PCDHGA4: variants seen among roughly 807,000 people sequenced by gnomAD.
PCDHGA4 encodes the protein protocadherin gamma subfamily A, 4, also known as protocadherin gamma-A4.
Under a neutral mutation model 54.6 loss-of-function variants are expected in PCDHGA4, and 38 were observed. The observed-to-expected ratio is 0.70, with a 90% CI of 0.54 to 0.91. The LOEUF (loss-of-function observed/expected upper bound fraction) is 0.91, where lower values mean the gene tolerates loss of function less well. PCDHGA4 is among the 40% of genes least tolerant of loss of function. The pLI, the probability that PCDHGA4 is intolerant of heterozygous loss-of-function variation, is 0.00. For synonymous variants in PCDHGA4, 511 were observed against 512.9 expected, an observed-to-expected ratio of 1.00 and a Z score of 0.05; for missense variants, 1,298 against 1,220.9, an observed-to-expected ratio of 1.06 and a Z score of -0.94.
chr5:141,474,961 A>G (rs1395755491), intron 1 of PCDHGA4, among the ~76,000 whole-genome samples: 1 of 152,254 alleles, frequency 6.6e-6, no homozygotes, highest in South Asian at 2.1e-4. Flanking sequence ...TCACTATCCT[A>G]ATCATTATAA....
At chr5:141,481,647 A>C (rs749515062) in intron 1 of PCDHGA4, among the ~76,000 whole-genome samples, 28 of 151,830 alleles carry the variant, frequency 1.8e-4, no homozygotes, top group African/African-American at 6.5e-4. Context: ...GTGAAACTTC[A>C]TCTCTACTAA....
At chr5:141,412,922 A>G in intron 1 of PCDHGA4, 1 of 420,478 alleles carries the variant, frequency 2.4e-6, no homozygotes, top group Non-Finnish European at 4.2e-6. Flanking sequence ...ACTTGGGTGC[A>G]GTAACTTCTT....
At chr5:141,385,253 G>A (rs1234375073) in intron 1 of PCDHGA4, 1 of 1,613,650 alleles carries the variant, frequency 6.2e-7, no homozygotes, top group Non-Finnish European at 8.5e-7. Flanking sequence ...CAGGAGAGCT[G>A]TGAGAAAAAT....
At chr5:141,405,074 G>A (rs536930748) in intron 1 of PCDHGA4, 7 of 1,613,794 alleles carry the variant, frequency 4.3e-6, no homozygotes, top group Non-Finnish European at 5.1e-6. Context: ...CCTCACCTTC[G>A]TTATCACGCT....
At chr5:141,398,392 A>AGG in intron 1 of PCDHGA4, 1 of 1,456,392 alleles carries the variant, frequency 6.9e-7, no homozygotes, top group Non-Finnish European at 9.5e-7. Flanking sequence ...TGTGAGCAGC[A>AGG]GGCTAGACAG....
intron 1 of PCDHGA4, chr5:141,403,105 C>G (rs1226095779): frequency 6.2e-7 from 1 of 1,614,056 alleles, no homozygotes; most frequent in East Asian, 2.2e-5. Context: ...TCTCCAAGGA[C>G]CTGGCTCTGG....
chr5:141,501,066 A>G (rs2099805322), intron 2 of PCDHGA4, among the ~76,000 whole-genome samples: 1 of 151,976 alleles, frequency 6.6e-6, no homozygotes, highest in South Asian at 2.1e-4. Flanking sequence ...ACGGGGTTTC[A>G]CCATGTTGAC....
chr5:141,432,288 A>C lies in PCDHGA4; in HGVS notation c.2515-62519A>C. ...TCGTCCTACGTGTCCATCAACTCCG[A>C]CACTGGGGTACTGTATGCGCTGAGC... On this transcript the variant is annotated intron_variant, in intron 1 of 3. Coordinates refer to ENST00000571252, the MANE Select transcript of PCDHGA4 (RefSeq NM_018917.4). This position sits in a 1 kb window ranked among gnomAD's most constrained non-coding sequence, Gnocchi z 6.0. 1 of 1,614,192 alleles carries C rather than the reference A, an allele frequency of 6.2e-7. No individual in the cohort carries two copies. Among genetic ancestry groups the C allele is most frequent in the Non-Finnish European group, 8.5e-7 (1 of 1,180,018 alleles).
At chr5:141,383,932 C>G in intron 1 of PCDHGA4, 3 of 1,613,794 alleles carry the variant, frequency 1.9e-6, no homozygotes, top group Non-Finnish European at 2.5e-6. Flanking sequence ...TGATAATGCT[C>G]CAGAAGTGAC....
chr5:141,394,592 G>C (rs754585576), intron 1 of PCDHGA4: 84 of 1,613,642 alleles, frequency 5.2e-5, no homozygotes, highest in South Asian at 3.7e-4. Context: ...AGGTGGTGGC[G>C]GTGGACAGAG....
intron 1 of PCDHGA4, among the ~76,000 whole-genome samples, chr5:141,451,298 C>T (rs1221562397): frequency 6.6e-6 from 1 of 152,206 alleles, no homozygotes; most frequent in African/African-American, 2.4e-5. Context: ...CAAAGTCTTA[C>T]AAGGCAGCAA....
intron 1 of PCDHGA4, chr5:141,421,835 G>T: frequency 6.2e-7 from 1 of 1,613,746 alleles, no homozygotes. Flanking sequence ...AGCCTGGACC[G>T]AGAGAAAGAG....
rs529787438 is a variant in PCDHGA4 at position 141,470,330 on chromosome 5, G to A, written c.2515-24477G>A. Among the ~76,000 whole-genome samples the A allele has an allele frequency of 3.3e-4, 50 of 152,144 alleles. 1 individual carries two copies. The highest frequency in any genetic ancestry group is 1.1e-3 in the African/African-American group (47 of 41,498). ...TTTTCCTCAAATGATCCCATAATTT[G>A]ACCTTAGGAAGCTGTTCAAATAGAC... On this transcript the variant is annotated intron_variant, in intron 1 of 3. Coordinates refer to ENST00000571252, the MANE Select transcript of PCDHGA4 (RefSeq NM_018917.4).
chr5:141,425,587 T>G (rs2096884432), intron 1 of PCDHGA4, among the ~76,000 whole-genome samples: 2 of 152,226 alleles, frequency 1.3e-5, no homozygotes. Flanking sequence ...CTAACTTTAT[T>G]CTGAATATGC....
intron 1 of PCDHGA4, chr5:141,415,448 C>T (rs2095870056): frequency 6.2e-7 from 1 of 1,614,052 alleles, no homozygotes; most frequent in African/African-American, 1.3e-5. Flanking sequence ...CAGACCTATT[C>T]CCACGAGGTC....
chr5:141,392,804 CA>C (rs1345839746), intron 1 of PCDHGA4: 1 of 1,573,894 alleles, frequency 6.4e-7, no homozygotes, highest in African/African-American at 1.4e-5. Flanking sequence ...GATTCTGCAG[CA>C]AAACAACAAT....
In PCDHGA4 at chr5:141,376,256, C is replaced by T. The variant is rs576537938; in HGVS notation, c.2514+18635C>T. ...GCAGCGCTGGCACAAGTCACGCCTG[C>T]TGCAGGCTTCGGGAGGTGGCTTAGC... On this transcript the variant is annotated intron_variant, in intron 1 of 3. Transcript: ENST00000571252. 8 of 1,614,228 alleles carry T rather than the reference C, an allele frequency of 5.0e-6. No homozygotes were observed. The East Asian group carries it at 1.8e-4, about 36-fold the overall frequency.
intron 1 of PCDHGA4, chr5:141,364,994 C>T: frequency 1.2e-6 from 2 of 1,613,924 alleles, no homozygotes; most frequent in Non-Finnish European, 1.7e-6. Flanking sequence ...AGACCCGGTA[C>T]TCTCCGGCAC....
In PCDHGA4 at chr5:141,393,130, T is replaced by C. The variant is rs752035971; in HGVS notation, c.2514+35509T>C. 19 of 1,613,248 alleles carry C rather than the reference T, an allele frequency of 1.2e-5. No individual in the cohort carries two copies. In the Admixed American group the frequency reaches 2.7e-4, roughly 23 times the overall value. On this transcript the variant is annotated intron_variant, in intron 1 of 3. Transcript: ENST00000571252. ...CAGAGCCCGCGGTGTCTGATAAATA[T>C]TAACACCCTGGTTGAGGATAAAGGA...
Sources: allele counts gnomAD v4.1 joint callset (sites outside exome capture counted in the v4.1 genomes callset), GRCh38; gene constraint gnomAD v4.1.1; non-coding constraint Gnocchi (gnomAD v3.1); transcripts MANE v1.5; gene names NCBI Gene and HGNC (gene_info 2026-07-23, HGNC 2026-07-21).